C1orf21: variants seen among roughly 807,000 people sequenced by gnomAD.
C1orf21 encodes the protein chromosome 1 open reading frame 21, also known as uncharacterized protein C1orf21.
A neutral mutation model predicts 18.7 loss-of-function variants in C1orf21; 3 were observed. The observed-to-expected ratio is 0.16, with a 90% CI of 0.07 to 0.42. C1orf21 has a LOEUF of 0.42. C1orf21 is among the 10% of genes least tolerant of loss of function. C1orf21 has a pLI of 0.99. For synonymous variants in C1orf21, 41 were observed against 46.4 expected, an observed-to-expected ratio of 0.88 and a Z score of 0.47; for missense variants, 104 against 143.6, an observed-to-expected ratio of 0.72 and a Z score of 1.41.
intron 1 of C1orf21, among the ~76,000 whole-genome samples, chr1:184,441,785 A>C (rs1464194091): frequency 1.3e-5 from 2 of 152,246 alleles, no homozygotes; most frequent in Non-Finnish European, 2.9e-5. Context: ...AGATAATCTT[A>C]AATTTTTTAA....
chr1:184,614,824 C>T (rs1164378677), intron 5 of C1orf21, among the ~76,000 whole-genome samples: 1 of 152,118 alleles, frequency 6.6e-6, no homozygotes, highest in African/African-American at 2.4e-5. Context: ...TGTTCGTGCT[C>T]CTATGAGAAT....
intron 1 of C1orf21, among the ~76,000 whole-genome samples, chr1:184,472,686 T>TA (rs910144024): frequency 2.0e-5 from 3 of 152,002 alleles, no homozygotes; most frequent in East Asian, 1.9e-4. Flanking sequence ...TGTTTCTAGT[T>TA]AAAAAAAACT....
intron 1 of C1orf21, among the ~76,000 whole-genome samples, chr1:184,455,551 C>T (rs1392487030): frequency 6.6e-6 from 1 of 152,188 alleles, no homozygotes; most frequent in Non-Finnish European, 1.5e-5. Context: ...TTTTCTAATT[C>T]TCCCTTACAG....
intron 3 of C1orf21, 95 bp from the exon 4 acceptor site, chr1:184,590,643 CA>C: frequency 3.1e-6 from 4 of 1,271,102 alleles, no homozygotes; most frequent in Non-Finnish European, 4.6e-6. Flanking sequence ...TATAGGGCCC[CA>C]AACAGATTGA....
At chr1:184,437,266 G>A (rs1174198673) in intron 1 of C1orf21, among the ~76,000 whole-genome samples, 1 of 152,106 alleles carries the variant, frequency 6.6e-6, no homozygotes, top group African/African-American at 2.4e-5. Context: ...AAAGAGGTTG[G>A]CATTCAGATC....
At chr1:184,388,064 G>A (rs1378844945) in intron 1 of C1orf21, among the ~76,000 whole-genome samples, 2 of 152,178 alleles carry the variant, frequency 1.3e-5, no homozygotes, top group Admixed American at 6.5e-5. Flanking sequence ...CCGCCGCCGC[G>A]GCTGCCTTTG....
chr1:184,468,292 T>C (rs1657436743), intron 1 of C1orf21, among the ~76,000 whole-genome samples: 1 of 152,088 alleles, frequency 6.6e-6, no homozygotes. Context: ...TCTCAGACTC[T>C]CTTCAGACCT....
chr1:184,414,288 C>G (rs764843057), intron 1 of C1orf21, among the ~76,000 whole-genome samples: 1 of 152,088 alleles, frequency 6.6e-6, no homozygotes, highest in African/African-American at 2.4e-5. Flanking sequence ...GCCAACATGC[C>G]TGGCTAATTT....
At chr1:184,508,453 G>A (rs916480076) in intron 3 of C1orf21, among the ~76,000 whole-genome samples, 2 of 152,040 alleles carry the variant, frequency 1.3e-5, no homozygotes, top group African/African-American at 2.4e-5. Flanking sequence ...AGTTAAAAAG[G>A]TATTTTTAAG....
intron 1 of C1orf21, among the ~76,000 whole-genome samples, chr1:184,441,408 A>C (rs1265959979): frequency 8.5e-5 from 13 of 152,218 alleles, no homozygotes; most frequent in Non-Finnish European, 1.5e-5. Context: ...ATCTGCCCCC[A>C]AATCTTGATT....
intron 2 of C1orf21, among the ~76,000 whole-genome samples, chr1:184,485,781 T>C (rs1338090498): frequency 6.6e-6 from 1 of 152,206 alleles, no homozygotes; most frequent in Non-Finnish European, 1.5e-5. Flanking sequence ...CTGCCTCTAC[T>C]GTAGCTGTTT....
rs1657587721 is a variant in C1orf21, at chr1:184,477,399, G to T, written c.-111G>T. ...CTTTTCTTGCAGGTGCACACATCTT[G>T]ACCAACTCAGCAGCAAGGTGGATTT... On this transcript the variant is annotated 5_prime_UTR_variant, in exon 2 of 6. Transcript: ENST00000235307. The T allele has an allele frequency of 1.2e-6, 1 of 816,100 alleles. No homozygotes were observed. Among genetic ancestry groups the T allele is most frequent in the Non-Finnish European group, 1.9e-6 (1 of 513,966 alleles). The allele number at this position is 816,100 out of a possible 1,614,324, so 50.6% of individuals were successfully genotyped here. A position where few individuals can be genotyped will look rare whatever the true frequency, so the allele number is the denominator to read the frequency against.
chr1:184,536,903 A>C (rs1658565709), intron 3 of C1orf21, among the ~76,000 whole-genome samples: 1 of 152,172 alleles, frequency 6.6e-6, no homozygotes, highest in Non-Finnish European at 1.5e-5. Flanking sequence ...AAGAAATTCA[A>C]AAAGAAACAA....
intron 5 of C1orf21, among the ~76,000 whole-genome samples, chr1:184,604,278 C>T (rs926411840): frequency 6.6e-6 from 1 of 152,114 alleles, no homozygotes; most frequent in Non-Finnish European, 1.5e-5. Context: ...GGGACTGTCA[C>T]GTCAAAACCT....
At chr1:184,547,618 T>C (rs1658744763) in intron 3 of C1orf21, among the ~76,000 whole-genome samples, 1 of 152,192 alleles carries the variant, frequency 6.6e-6, no homozygotes, top group African/African-American at 2.4e-5. Flanking sequence ...AGGAATGTTC[T>C]CTCTCACATA....
chr1:184,565,993 AGG>A (rs1185993675), intron 3 of C1orf21, among the ~76,000 whole-genome samples: 5 of 152,036 alleles, frequency 3.3e-5, no homozygotes, highest in African/African-American at 1.2e-4. Flanking sequence ...ATATATTAAA[AGG>A]GGAGGGGAAG....
intron 3 of C1orf21, among the ~76,000 whole-genome samples, chr1:184,582,064 G>A (rs1365652710): frequency 6.6e-6 from 1 of 152,084 alleles, no homozygotes; most frequent in Non-Finnish European, 1.5e-5. Context: ...TGGCAGCTTG[G>A]GCTTCATTTG....
chr1:184,532,175 G>C (rs918506633), intron 3 of C1orf21, among the ~76,000 whole-genome samples: 2 of 151,908 alleles, frequency 1.3e-5, no homozygotes, highest in Non-Finnish European at 2.9e-5. Flanking sequence ...GGAGTGAGAG[G>C]GAAATGGCTG....
Position 184,596,290 on chromosome 1 carries a change from T to C in C1orf21, c.267-2111T>C, listed in dbSNP as rs538378473. On this transcript the variant is annotated intron_variant, in intron 4 of 5. Transcript: ENST00000235307. ...CAGCCCTGGTTTTATAGATGAGGAC[T>C]CAGGCCCTGCACATCACCCCTGCTG... Among the ~76,000 whole-genome samples, 3 of 152,294 alleles carry C rather than the reference T, an allele frequency of 2.0e-5. No individual in the cohort carries two copies. In the East Asian group the frequency reaches 5.8e-4, roughly 29 times the overall value.
Sources: allele counts gnomAD v4.1 joint callset (sites outside exome capture counted in the v4.1 genomes callset), GRCh38; gene constraint gnomAD v4.1.1; transcripts MANE v1.5; gene names NCBI Gene and HGNC (gene_info 2026-07-23, HGNC 2026-07-21).